CUL4A: variants seen among roughly 807,000 people sequenced by gnomAD.
The protein encoded by CUL4A is cullin 4A, also known as cullin-4A.
Under a neutral mutation model 95.5 loss-of-function variants are expected in CUL4A, and 16 were observed. The ratio of observed to expected loss-of-function variants is 0.17; its 90% confidence interval spans 0.11 to 0.25. The LOEUF (loss-of-function observed/expected upper bound fraction) is 0.25, where lower values mean the gene tolerates loss of function less well. CUL4A is among the 10% of genes least tolerant of loss of function. The pLI is 1.00. For missense variants in CUL4A, 610 were observed against 937.0 expected (o/e 0.65, Z 4.56); for synonymous variants, 380 against 353.1 (o/e 1.08, Z -0.85).
rs138211925 is a variant in CUL4A, at chr13:113,263,870, T to A, written c.*288T>A. ...CAAGAAGATGTTACTAAAGAGAAGT[T>A]CCTTTAAAAGGTCTTGTTCTTGTGT... On this transcript the variant is annotated 3_prime_UTR_variant, in exon 20 of 20. Transcript: ENST00000375440. 1.9e-4 allele frequency: 51 copies of A among 266,404 alleles called. No homozygotes were observed. In the Middle Eastern group the frequency reaches 4.3e-3, roughly 23 times the overall value. The allele number at this position is 266,404 out of a possible 1,614,324, so 16.5% of individuals were successfully genotyped here. A position where few individuals can be genotyped will look rare whatever the true frequency, so the allele number is the denominator to read the frequency against.
chr13:113,209,356 C>G (rs1399572268), upstream of CUL4A, among the ~76,000 whole-genome samples: 1 of 141,072 alleles, frequency 7.1e-6, no homozygotes, highest in Non-Finnish European at 1.6e-5. Flanking sequence ...GTCCCGATCC[C>G]TCAGGACGGG....
rs2042389590 is a variant in CUL4A, at chr13:113,265,892, AC to A, written c.*2313del. ...TTACTTGCAGGTTAGATGGTTGCAT[AC>A]CCAGGTCATCTAAGGAGCAAATGAA... On this transcript the variant is annotated 3_prime_UTR_variant, in exon 20 of 20. Coordinates refer to ENST00000375440, the MANE Select transcript of CUL4A (RefSeq NM_001008895.4). The A allele has an allele frequency of 6.6e-6, 1 of 152,266 alleles. No homozygotes were observed. The allele number at this position is 152,266 out of a possible 1,614,324, so 9.4% of individuals were successfully genotyped here. A position where few individuals can be genotyped will look rare whatever the true frequency, so the allele number is the denominator to read the frequency against.
At chr13:113,245,665 G>T (rs934254432) in intron 14 of CUL4A, among the ~76,000 whole-genome samples, 8 of 152,208 alleles carry the variant, frequency 5.3e-5, no homozygotes, top group African/African-American at 1.9e-4. Flanking sequence ...CTCACTCTAT[G>T]TAAGAAGAAA....
chr13:113,222,706 G>A (rs1164602404), intron 3 of CUL4A, among the ~76,000 whole-genome samples: 2 of 152,210 alleles, frequency 1.3e-5, no homozygotes, highest in African/African-American at 2.4e-5. Context: ...GGCCAAGTTG[G>A]GAGGGCCAGT....
At position 113,239,498 on chromosome 13, in the gene CUL4A, C is replaced by A. The variant is rs768795493; in HGVS notation, c.982C>A (p.Arg328=). 1.2e-6 allele frequency: 2 copies of A among 1,613,608 alleles called. No homozygotes were observed. The highest frequency in any genetic ancestry group is 3.3e-5 in the Admixed American group (2 of 59,880). ...CGCACAGATGTACCAGCTGTTCAGC[C>A]GGGTGAGGGGCGGGCAGCAGGCGCT... ...DLAQMYQLFS[R]VRGGQQALLQ... is the part of the protein sequence containing the mutation. Residue 328 remains arginine, a synonymous_variant, in exon 10 of 20, where the codon CGG becomes AGG. Transcript: ENST00000375440.
intron 18 of CUL4A, among the ~76,000 whole-genome samples, chr13:113,256,454 G>T (rs992519174): frequency 3.3e-5 from 5 of 152,154 alleles, no homozygotes; most frequent in Non-Finnish European, 7.3e-5. Flanking sequence ...GTAAAATAAT[G>T]TGTACTTGTC....
At chr13:113,228,162 G>A in intron 4 of CUL4A, 117 bp downstream of exon 4, 1 of 774,606 alleles carries the variant, frequency 1.3e-6, no homozygotes, top group Non-Finnish European at 2.2e-6. Flanking sequence ...CAGTGCTGTG[G>A]TTGAACAGCA....
At chr13:113,232,973 G>A (rs1202071381) in intron 5 of CUL4A, among the ~76,000 whole-genome samples, 2 of 152,198 alleles carry the variant, frequency 1.3e-5, no homozygotes, top group Non-Finnish European at 2.9e-5. Flanking sequence ...GGAACGTGGA[G>A]CAGCTCTGTT....
intron 10 of CUL4A, among the ~76,000 whole-genome samples, chr13:113,240,124 C>T (rs557282085): frequency 2.3e-4 from 35 of 152,204 alleles, no homozygotes; most frequent in Non-Finnish European, 4.0e-4. Flanking sequence ...TGCAGGAGAA[C>T]GGCCCTTTGG....
chr13:113,238,497 A>G (rs1049505686), intron 9 of CUL4A, among the ~76,000 whole-genome samples: 1 of 152,162 alleles, frequency 6.6e-6, no homozygotes, highest in Non-Finnish European at 1.5e-5. Context: ...GTTCCAGTGC[A>G]TACTTTGTTA....
At chr13:113,231,629 A>G (rs572391590) in intron 5 of CUL4A, among the ~76,000 whole-genome samples, 1 of 152,142 alleles carries the variant, frequency 6.6e-6, no homozygotes, top group Non-Finnish European at 1.5e-5. Flanking sequence ...AACTAATAAC[A>G]TTTGATCCCC....
chr13:113,237,457 A>G (rs1333564831), intron 9 of CUL4A, among the ~76,000 whole-genome samples: 1 of 152,216 alleles, frequency 6.6e-6, no homozygotes, highest in African/African-American at 2.4e-5. Flanking sequence ...TGGTGGCAGT[A>G]CCTGGCCATA....
Position 113,263,652 on chromosome 13 carries a change from C to A in CUL4A, c.*70C>A. 2.1e-6 allele frequency: 2 copies of A among 971,506 alleles called. No individual in the cohort carries two copies. Among genetic ancestry groups the A allele is most frequent in the Non-Finnish European group, 3.1e-6 (2 of 643,028 alleles). 60.2% of individuals were successfully genotyped at this position (971,506 alleles called of 1,614,324 possible). A position where few individuals can be genotyped will look rare whatever the true frequency, so the allele number is the denominator to read the frequency against. ...CTCAGAGCAGGAAGCACACCTGTGC[C>A]ATTTCTGGGACTCTGATTGATCCAG... On this transcript the variant is annotated 3_prime_UTR_variant, in exon 20 of 20. Transcript: ENST00000375440.
At position 113,233,996 on chromosome 13, in the gene CUL4A, TG is replaced by T; in HGVS notation, c.765+13del. 6.4e-7 allele frequency: 1 copy of T among 1,556,390 alleles called. No individual in the cohort carries two copies. The highest frequency in any genetic ancestry group is 8.8e-7 in the Non-Finnish European group (1 of 1,131,810). On this transcript the variant is annotated intron_variant, in intron 7 of 19. Coordinates refer to ENST00000375440, the MANE Select transcript of CUL4A (RefSeq NM_001008895.4). Reference sequence around the variant, plus strand: ...AATGCAGGAAAGAGAGGTGAGATGATGGGATGTTTCCGAATCCCCTGGCTTC... The same window carrying T: ...AATGCAGGAAAGAGAGGTGAGATGATGGATGTTTCCGAATCCCCTGGCTTC...
At chr13:113,238,059 A>G (rs1595394044) in intron 9 of CUL4A, among the ~76,000 whole-genome samples, 2 of 152,130 alleles carry the variant, frequency 1.3e-5, no homozygotes, top group African/African-American at 4.8e-5. Context: ...CTTATTCCAC[A>G]CTGAAACCTA....
In CUL4A at chr13:113,210,039, C is replaced by A; in HGVS notation, c.215C>A (p.Ala72Asp). 1 of 1,525,400 alleles carries A rather than the reference C, an allele frequency of 6.6e-7. No individual in the cohort carries two copies. The highest frequency in any genetic ancestry group is 8.8e-7 in the Non-Finnish European group (1 of 1,137,290). The allele number at this position is 1,525,400 out of a possible 1,614,324, so 94.5% of individuals were successfully genotyped here. ...TWRKLHEAVR[A>D]VQSSTSIRYN... ...CGGAAGCTGCACGAGGCGGTGCGGG[C>A]CGTGCAGAGCAGCACCTCCATCAGG... is the stretch of plus-strand genomic sequence containing the variant. The change falls in exon 2 of 20, where the codon GCC becomes GAC. Residue 72 changes from alanine (A) to aspartate (D), a missense_variant. Physicochemically the swap from Ala to Asp is moderately radical, Grantham distance 126. This residue lies in a region of CUL4A where 168 missense variants were observed against 185.5 expected (regional missense o/e 0.91). Transcript: ENST00000375440.
At position 113,209,711 on chromosome 13, in the gene CUL4A, C is replaced by A. The variant is rs2040278197; in HGVS notation, c.84C>A (p.Ala28=). The part of the protein sequence containing the change: ...TNGLTKPAAL[A]AAPAKPGGAG... Reference sequence around the variant, plus strand: ...GCCTCACCAAGCCCGCGGCCCTGGCCGCCGCGCCCGCCAAGCCGGGGGGCG... The same window carrying A: ...GCCTCACCAAGCCCGCGGCCCTGGCAGCCGCGCCCGCCAAGCCGGGGGGCG... Residue 28 remains alanine, a synonymous_variant, in exon 1 of 20, where the codon GCC becomes GCA. Coordinates refer to ENST00000375440, the MANE Select transcript of CUL4A (RefSeq NM_001008895.4). 8.6e-7 allele frequency: 1 copy of A among 1,157,810 alleles called. No homozygotes were observed. Among genetic ancestry groups the A allele is most frequent in the African/African-American group, 1.6e-5 (1 of 61,294 alleles). 71.7% of individuals were successfully genotyped at this position (1,157,810 alleles called of 1,614,324 possible).
Position 113,229,472 on chromosome 13 carries a change from C to T in CUL4A, c.465C>T (p.Phe155=), listed in dbSNP as rs1165341434. 2 of 1,613,808 alleles carry T rather than the reference C, an allele frequency of 1.2e-6. No individual in the cohort carries two copies. The highest frequency in any genetic ancestry group is 1.3e-5 in the African/African-American group (1 of 75,068). ...TCATGATCAGAAGCATCTTCCTGTT[C>T]TTGGACCGCACCTATGTGCTGCAGA... ...QMIMIRSIFL[F]LDRTYVLQNS... is the part of the protein sequence containing the mutation. Residue 155 remains phenylalanine (F), a synonymous_variant, in exon 5 of 20, where the codon TTC becomes TTT. Coordinates refer to ENST00000375440, the MANE Select transcript of CUL4A (RefSeq NM_001008895.4).
At position 113,219,035 on chromosome 13, in the gene CUL4A, C is replaced by G. The variant is rs1193497898; in HGVS notation, c.355C>G (p.Leu119Val). 6.2e-7 allele frequency: 1 copy of G among 1,606,760 alleles called. No individual in the cohort carries two copies. Among genetic ancestry groups the G allele is most frequent in the Non-Finnish European group, 8.5e-7 (1 of 1,176,848 alleles). ...TGAAGACCACGTCCAGGCACAGATC[C>G]TTCCGTTTAGAGAATATCCTTTTTT... is the stretch of plus-strand genomic sequence containing the variant. ...ACEDHVQAQI[L>V]PFREDSLDSV... The change falls in exon 3 of 20, where the codon CTT (leucine) becomes GTT (valine). Residue 119 changes from leucine to valine, a missense_variant. This residue lies in a region of CUL4A where 168 missense variants were observed against 185.5 expected (regional missense o/e 0.91). Transcript: ENST00000375440.
Sources: gnomAD v4.1 joint callset for allele counts (sites outside exome capture counted in the v4.1 genomes callset) on GRCh38, gnomAD v4.1.1 for gene constraint, gnomAD v4.1.1 regional missense constraint, MANE v1.5 for transcripts, NCBI Gene and HGNC (gene_info 2026-07-23, HGNC 2026-07-21) for gene names.